Variants in CSNK1G3 observed in about 807,000 individuals in gnomAD.
CSNK1G3 encodes casein kinase 1 gamma 3.
CSNK1G3 carries 23 observed loss-of-function variants against 64.3 expected under a neutral mutation model. The observed-to-expected ratio is 0.36, with a 90% confidence interval of 0.26 to 0.51. The LOEUF is 0.51. Ranked by LOEUF, CSNK1G3 falls within the 20% of genes least tolerant of loss-of-function variation. CSNK1G3 has a pLI of 0.96. For missense variants in CSNK1G3, 357 were observed against 510.5 expected (o/e 0.70, Z 2.90); for synonymous variants, 158 against 162.2 (o/e 0.97, Z 0.20).
chr5:123,613,528 T>TAG (rs150704102), intron 12 of CSNK1G3, among the ~76,000 whole-genome samples: 1 of 151,566 alleles, frequency 6.6e-6, no homozygotes, highest in Admixed American at 6.6e-5. Context: ...TATATGTAGT[T>TAG]AGAGAGAGAG....
intron 12 of CSNK1G3, among the ~76,000 whole-genome samples, chr5:123,606,180 A>G (rs1795332747): frequency 6.6e-6 from 1 of 152,120 alleles, no homozygotes; most frequent in South Asian, 2.1e-4. Flanking sequence ...GCAGTGATTA[A>G]GAATCCATTT....
intron 4 of CSNK1G3, among the ~76,000 whole-genome samples, chr5:123,558,021 C>T (rs1784951327): frequency 6.6e-6 from 1 of 151,972 alleles, no homozygotes; most frequent in Non-Finnish European, 1.5e-5. Context: ...CTGGTGGGGG[C>T]AGAGGGACAT....
chr5:123,558,493 A>C (rs537382180), intron 4 of CSNK1G3, among the ~76,000 whole-genome samples: 1 of 152,312 alleles, frequency 6.6e-6, no homozygotes, highest in South Asian at 2.1e-4. Flanking sequence ...AGATTTAATA[A>C]AATGGAATTT....
chr5:123,515,318 A>G (rs540178985), intron 1 of CSNK1G3, among the ~76,000 whole-genome samples: 20 of 152,346 alleles, frequency 1.3e-4, no homozygotes, highest in African/African-American at 4.8e-4. Context: ...AGGGCTTCCC[A>G]AAAGGATGTG....
intron 8 of CSNK1G3, among the ~76,000 whole-genome samples, chr5:123,588,893 T>C (rs1451776846): frequency 6.6e-6 from 1 of 152,142 alleles, no homozygotes; most frequent in East Asian, 1.9e-4. Flanking sequence ...TTTGGTTTAG[T>C]TTTCAAATTA....
At chr5:123,588,821 G>C (rs916194963) in intron 8 of CSNK1G3, among the ~76,000 whole-genome samples, 1 of 151,940 alleles carries the variant, frequency 6.6e-6, no homozygotes, top group African/African-American at 2.4e-5. Flanking sequence ...ACAAAGTTTT[G>C]GTATTCAGTG....
chr5:123,573,923 C>G (rs927111064), intron 5 of CSNK1G3, among the ~76,000 whole-genome samples: 1 of 149,676 alleles, frequency 6.7e-6, no homozygotes, highest in African/African-American at 2.5e-5. Flanking sequence ...GATCTTGGCT[C>G]ACTGCAACCT....
At chr5:123,609,335 GAA>G (rs1258606653) in intron 12 of CSNK1G3, among the ~76,000 whole-genome samples, 2 of 152,154 alleles carry the variant, frequency 1.3e-5, no homozygotes, top group African/African-American at 4.8e-5. Context: ...GCAGATTGCA[GAA>G]AATGGTTTAA....
intron 8 of CSNK1G3, among the ~76,000 whole-genome samples, chr5:123,589,125 C>T (rs1481174232): frequency 6.6e-6 from 1 of 152,126 alleles, no homozygotes; most frequent in East Asian, 1.9e-4. Context: ...TTTATTTGTG[C>T]AGCCACATTA....
chr5:123,592,555 C>T (rs1188045620), intron 10 of CSNK1G3, among the ~76,000 whole-genome samples: 2 of 151,864 alleles, frequency 1.3e-5, no homozygotes, highest in Non-Finnish European at 2.9e-5. Context: ...GAAATTTTCT[C>T]TTACAATCCA....
rs1192197992 is a variant in CSNK1G3 at position 123,574,059 on chromosome 5, C to T, written c.438+518C>T. Among the ~76,000 whole-genome samples, 4 of 152,098 alleles carry T rather than the reference C, an allele frequency of 2.6e-5. No individual in the cohort carries two copies. The East Asian group carries it at 5.8e-4, about 22-fold the overall frequency. On this transcript the variant is annotated intron_variant, in intron 5 of 12. Transcript: ENST00000345990. ...AGAGACAGGGTTTCACCATGTTAGT[C>T]AGGATGGTCTCGATCTCCTGACCTT...
intron 12 of CSNK1G3, among the ~76,000 whole-genome samples, chr5:123,606,323 G>GT (rs1795362169): frequency 6.6e-6 from 1 of 152,010 alleles, no homozygotes; most frequent in Admixed American, 6.6e-5. Context: ...TTACTTGTGT[G>GT]TTTTTAAATC....
chr5:123,543,597 C>A (rs754627690), intron 1 of CSNK1G3, among the ~76,000 whole-genome samples: 2 of 152,114 alleles, frequency 1.3e-5, no homozygotes, highest in Non-Finnish European at 2.9e-5. Context: ...GATCTGTGAT[C>A]ACTGTGTGTT....
At chr5:123,543,534 A>G (rs1173105101) in intron 1 of CSNK1G3, among the ~76,000 whole-genome samples, 1 of 152,046 alleles carries the variant, frequency 6.6e-6, no homozygotes, top group Non-Finnish European at 1.5e-5. Flanking sequence ...AAACTCCTTC[A>G]TTTTTGATAC....
chr5:123,615,611 C>CA (rs201124582), exon 13 of CSNK1G3: 1 of 151,884 alleles, frequency 6.6e-6, no homozygotes, highest in Admixed American at 6.6e-5. Flanking sequence ...ACAACAACAA[C>CA]AAAAAATTCT....
intron 10 of CSNK1G3, among the ~76,000 whole-genome samples, chr5:123,600,569 G>T (rs1458754861): frequency 1.3e-5 from 2 of 150,812 alleles, no homozygotes; most frequent in South Asian, 2.1e-4. Context: ...AGGTTGCAAT[G>T]AGCCAAGATC....
chr5:123,548,755 G>T (rs998845227), intron 2 of CSNK1G3, among the ~76,000 whole-genome samples: 1 of 151,250 alleles, frequency 6.6e-6, no homozygotes, highest in East Asian at 1.9e-4. Context: ...AAAAAAAAAT[G>T]ATAATAAGGA....
intron 1 of CSNK1G3, among the ~76,000 whole-genome samples, chr5:123,512,932 G>A (rs928624982): frequency 6.6e-6 from 1 of 152,078 alleles, no homozygotes; most frequent in African/African-American, 2.4e-5. Flanking sequence ...CCTTAGGAGA[G>A]ATTGGGAGGT....
intron 12 of CSNK1G3, 65 bp from the exon 14 acceptor site, chr5:123,614,277 G>T: frequency 6.7e-7 from 1 of 1,490,164 alleles, no homozygotes; most frequent in South Asian, 1.2e-5. Flanking sequence ...AAGTTAAAGT[G>T]ATACAGTCAA....
Sources: allele counts gnomAD v4.1 joint callset (sites outside exome capture counted in the v4.1 genomes callset), GRCh38; gene constraint gnomAD v4.1.1; transcripts MANE v1.5; gene names NCBI Gene and HGNC (gene_info 2026-07-23, HGNC 2026-07-21).